The following TAC1 variants were observed in gnomAD, a reference collection of about 807,000 sequenced individuals.
TAC1 encodes tachykinin precursor 1.
A neutral mutation model predicts 21.7 loss-of-function variants in TAC1; 12 were observed. The observed-to-expected ratio is 0.55, with a 90% confidence interval of 0.35 to 0.89. TAC1 has a LOEUF of 0.89. Ranked by LOEUF, TAC1 falls within the 40% of genes least tolerant of loss-of-function variation. TAC1 has a pLI of 0.01. For missense variants in TAC1, 128 were observed against 151.4 expected, an observed-to-expected ratio of 0.85 and a Z score of 0.81; for synonymous variants, 52 against 52.0, an observed-to-expected ratio of 1.00 and a Z score of 0.00.
chr7:97,732,578 T>C lies in TAC1; in HGVS notation c.-9-26T>C, dbSNP rs757630978. 11 of 1,613,464 alleles carry C rather than the reference T, an allele frequency of 6.8e-6. No individual in the cohort carries two copies. The highest frequency in any genetic ancestry group is 9.3e-6 in the Non-Finnish European group (11 of 1,179,704). On this transcript the variant is annotated intron_variant, in intron 1 of 6. Transcript: ENST00000319273. This position sits in a 1 kb window ranked among gnomAD's most constrained non-coding sequence, Gnocchi z 6.2. ...ATAGATACATTATTTCTCTCTTTGG[T>C]GTCTTCTCCTCCTACCCCTTCCCAG...
intron 6 of TAC1, among the ~76,000 whole-genome samples, chr7:97,739,652 T>C (rs992626267): frequency 2.6e-5 from 4 of 152,054 alleles, no homozygotes; most frequent in Non-Finnish European, 4.4e-5. Flanking sequence ...AAGTATATGA[T>C]GAATGATGAA....
At chr7:97,733,085 C>G (rs1050491799) in intron 2 of TAC1, 1 of 218,804 alleles carries the variant, frequency 4.6e-6, no homozygotes, top group African/African-American at 2.3e-5. Flanking sequence ...ACTGCCCTAG[C>G]GTCTGGGCAC....
chr7:97,733,677 G>C, intron 2 of TAC1, 46 bp from the exon 3 acceptor site: 1 of 1,598,608 alleles, frequency 6.3e-7, no homozygotes, highest in Non-Finnish European at 8.6e-7. Context: ...TGGGTGCCTC[G>C]CTCTGGTTGC....
chr7:97,736,311 A>T lies in TAC1; in HGVS notation c.302A>T (p.Asp101Val). Reference protein sequence around the residue: ...GQISHKRHKTDSFVGLMGKRA... With the variant: ...GQISHKRHKTVSFVGLMGKRA... ...TGTATTTTTCCAGGACATAAAACAG[A>T]TTCCTTTGTTGGACTAATGGGCAAA... Residue 101 changes from aspartate to valine, a missense_variant, in exon 6 of 7, where the codon GAT becomes GTT. Asp to Val is a radical substitution (Grantham distance 152). Transcript: ENST00000319273. 6.2e-7 allele frequency: 1 copy of T among 1,611,756 alleles called. No individual in the cohort carries two copies. Among genetic ancestry groups the T allele is most frequent in the Non-Finnish European group, 8.5e-7 (1 of 1,178,524 alleles).
In TAC1 at chr7:97,732,286, G is replaced by A. The variant is rs936134644; in HGVS notation, c.-10+91G>A. 5 of 193,154 alleles carry A rather than the reference G, an allele frequency of 2.6e-5. No homozygotes were observed. Among genetic ancestry groups the A allele is most frequent in the Non-Finnish European group, 5.3e-5 (5 of 93,902 alleles). The allele number at this position is 193,154 out of a possible 1,614,324, so 12.0% of individuals were successfully genotyped here. A position where few individuals can be genotyped will look rare whatever the true frequency, so the allele number is the denominator to read the frequency against. ...GCCGCGCTGGGGGCGCCGCTGCGGC[G>A]AGGGACAGTGGGGAGACTGGCTTCC... On this transcript the variant is annotated intron_variant, in intron 1 of 6. Transcript: ENST00000319273. This position sits in a 1 kb window ranked among gnomAD's most constrained non-coding sequence, Gnocchi z 6.2.
At chr7:97,735,356 G>A (rs974692061) in intron 5 of TAC1, among the ~76,000 whole-genome samples, 1 of 152,128 alleles carries the variant, frequency 6.6e-6, no homozygotes, top group African/African-American at 2.4e-5. Flanking sequence ...AATGAAGACG[G>A]TAGAGATGCA....
intron 5 of TAC1, among the ~76,000 whole-genome samples, chr7:97,735,472 TCA>T (rs2115838529): frequency 6.6e-6 from 1 of 152,310 alleles, no homozygotes; most frequent in Non-Finnish European, 1.5e-5. Flanking sequence ...AATTTGTTTC[TCA>T]GTTAATGGAA....
chr7:97,739,404 A>C (rs1405103056), intron 6 of TAC1, among the ~76,000 whole-genome samples: 1 of 152,082 alleles, frequency 6.6e-6, no homozygotes, highest in Non-Finnish European at 1.5e-5. Flanking sequence ...ACAATATGTA[A>C]ATGAATGAGT....
At chr7:97,737,679 C>G (rs891460436) in intron 6 of TAC1, among the ~76,000 whole-genome samples, 1 of 151,936 alleles carries the variant, frequency 6.6e-6, no homozygotes, top group Non-Finnish European at 1.5e-5. Context: ...TCCCCACTTT[C>G]TATTTAGACA....
Position 97,732,767 on chromosome 7 carries a change from T to C in TAC1, c.123+32T>C, listed in dbSNP as rs2115828109. ...CCCCTTCCCAGGACGGCCCGCACCC[T>C]TCTTCCTGGGCTCGGGAGCTGTCAC... On this transcript the variant is annotated intron_variant, in intron 2 of 6. Coordinates refer to ENST00000319273, the MANE Select transcript of TAC1 (RefSeq NM_003182.3). This position sits in a 1 kb window ranked among gnomAD's most constrained non-coding sequence, Gnocchi z 6.2. 6.2e-7 allele frequency: 1 copy of C among 1,601,326 alleles called. No homozygotes were observed. Among genetic ancestry groups the C allele is most frequent in the Non-Finnish European group, 8.5e-7 (1 of 1,173,360 alleles).
intron 6 of TAC1, among the ~76,000 whole-genome samples, chr7:97,739,326 G>C (rs1175613600): frequency 6.6e-6 from 1 of 151,892 alleles, no homozygotes; most frequent in African/African-American, 2.4e-5. Context: ...AATATTTTAG[G>C]CTTTGTGAGC....
chr7:97,734,476 ACTCTCTCTCAGTCTCTCT>A (rs1789516144), intron 4 of TAC1, among the ~76,000 whole-genome samples, 184 bp downstream of exon 4: 1 of 137,478 alleles, frequency 7.3e-6, no homozygotes. Flanking sequence ...TCTCTCTGTC[ACTCTCTCTCAGTCTCTCT>A]CTCTCTCTTT....
At chr7:97,735,896 G>C (rs1040253133) in intron 5 of TAC1, among the ~76,000 whole-genome samples, 4 of 152,110 alleles carry the variant, frequency 2.6e-5, no homozygotes, top group Admixed American at 1.3e-4. Flanking sequence ...TTTAATTAAG[G>C]TCTACTTGCT....
At chr7:97,737,912 T>C (rs1746592085) in intron 6 of TAC1, among the ~76,000 whole-genome samples, 1 of 152,014 alleles carries the variant, frequency 6.6e-6, no homozygotes, top group Admixed American at 6.6e-5. Context: ...ATATTAGTCA[T>C]CAACTTTCCA....
At chr7:97,733,627 C>T in intron 2 of TAC1, 96 bp from the exon 3 acceptor site, 6 of 1,260,958 alleles carry the variant, frequency 4.8e-6, no homozygotes, top group Non-Finnish European at 6.8e-6. Context: ...CTCCCCACGC[C>T]TCGGGGCCGG....
intron 2 of TAC1, chr7:97,733,068 C>T: frequency 4.0e-6 from 1 of 250,318 alleles, no homozygotes; most frequent in Non-Finnish European, 7.8e-6. Flanking sequence ...GGCTCCGGTC[C>T]AGCTGCACTG....
chr7:97,738,858 G>C (rs1252139861), intron 6 of TAC1, among the ~76,000 whole-genome samples: 1 of 151,804 alleles, frequency 6.6e-6, no homozygotes, highest in Non-Finnish European at 1.5e-5. Context: ...ATTTCAAAAA[G>C]CATAGTAGTT....
At chr7:97,736,005 A>T (rs892518873) in intron 5 of TAC1, among the ~76,000 whole-genome samples, 8 of 152,104 alleles carry the variant, frequency 5.3e-5, no homozygotes, top group African/African-American at 1.9e-4. Flanking sequence ...ACCTAGCTCA[A>T]ATAACAATAT....
Position 97,739,989 on chromosome 7 carries a change from G to T in TAC1, c.*69G>T. 9.7e-7 allele frequency: 1 copy of T among 1,034,094 alleles called. No homozygotes were observed. The highest frequency in any genetic ancestry group is 1.6e-5 in the South Asian group (1 of 62,812). 64.1% of individuals were successfully genotyped at this position (1,034,094 alleles called of 1,614,324 possible). ...GGCAATGACAGGTAAATTAAGACAT[G>T]CACTATGAGGAATAATTATTTATTT... On this transcript the variant is annotated 3_prime_UTR_variant, in exon 7 of 7. Coordinates refer to ENST00000319273, the MANE Select transcript of TAC1 (RefSeq NM_003182.3).
Sources: gnomAD v4.1 joint callset for allele counts (sites outside exome capture counted in the v4.1 genomes callset) on GRCh38, gnomAD v4.1.1 for gene constraint, Gnocchi (gnomAD v3.1) non-coding constraint, MANE v1.5 for transcripts, NCBI Gene and HGNC (gene_info 2026-07-23, HGNC 2026-07-21) for gene names.